The following SWAP70 variants were observed in gnomAD, a reference collection of about 807,000 sequenced individuals.
SWAP70 encodes the protein switch-associated protein 70.
Under a neutral mutation model 80.2 loss-of-function variants are expected in SWAP70, and 34 were observed. The ratio of observed to expected loss-of-function variants is 0.42; its 90% confidence interval spans 0.32 to 0.56. The LOEUF is 0.56. Among genes scored for constraint, SWAP70 ranks in the 20% least tolerant of loss-of-function variants. SWAP70 has a pLI of 0.09. For missense variants in SWAP70, 578 were observed against 690.7 expected (o/e 0.84, Z 1.83); for synonymous variants, 239 against 238.5 (o/e 1.00, Z -0.02).
At chr11:9,721,848 A>G (rs538948415) in intron 3 of SWAP70, among the ~76,000 whole-genome samples, 2 of 152,338 alleles carry the variant, frequency 1.3e-5, no homozygotes, top group South Asian at 4.1e-4. Flanking sequence ...TTCTGTTAAA[A>G]TATGTTATTT....
chr11:9,675,376 A>G (rs1228992710), intron 1 of SWAP70, among the ~76,000 whole-genome samples: 499 of 47,122 alleles, frequency 0.011, 77 homozygotes, highest in South Asian at 0.035. Flanking sequence ...AGAGAGAGAG[A>G]GAGAGAGAGA....
chr11:9,725,559 A>T (rs1481523556), intron 4 of SWAP70, among the ~76,000 whole-genome samples: 14 of 11,846 alleles, frequency 1.2e-3, no homozygotes, highest in African/African-American at 4.7e-3. Context: ...ATATATATAT[A>T]TATATATATA....
At chr11:9,742,364 G>A (rs1263619422) in intron 9 of SWAP70, among the ~76,000 whole-genome samples, 1 of 151,558 alleles carries the variant, frequency 6.6e-6, no homozygotes, top group Non-Finnish European at 1.5e-5. Flanking sequence ...CTGAGATGGA[G>A]TCTTGCTCTG....
chr11:9,703,975 T>A lies in SWAP70; in HGVS notation c.241-9491T>A, dbSNP rs151267757. Reference sequence around the variant, plus strand: ...TTACTTTCTCCTTCTTGGCTCTTGCTCTGGTTTAAATGGTTTTATGAAACT... The same window carrying A: ...TTACTTTCTCCTTCTTGGCTCTTGCACTGGTTTAAATGGTTTTATGAAACT... On this transcript the variant is annotated intron_variant, in intron 2 of 11. Transcript: ENST00000318950. Among the ~76,000 whole-genome samples the A allele has an allele frequency of 2.7e-4, 41 of 152,312 alleles. No individual in the cohort carries two copies. In the Middle Eastern group the frequency reaches 0.01, roughly 38 times the overall value.
chr11:9,689,829 G>T (rs1264942168), intron 1 of SWAP70, among the ~76,000 whole-genome samples: 1 of 152,178 alleles, frequency 6.6e-6, no homozygotes, highest in Non-Finnish European at 1.5e-5. Context: ...CACTAACTTG[G>T]CTCTGCTGAA....
chr11:9,702,124 T>C (rs1321272816), intron 2 of SWAP70, among the ~76,000 whole-genome samples: 1 of 151,854 alleles, frequency 6.6e-6, no homozygotes, highest in Non-Finnish European at 1.5e-5. Flanking sequence ...ATTCTGTTTT[T>C]CTAGTCTAAT....
intron 1 of SWAP70, among the ~76,000 whole-genome samples, chr11:9,683,266 C>G (rs557103559): frequency 1.3e-5 from 2 of 149,478 alleles, no homozygotes; most frequent in Non-Finnish European, 3.0e-5. Context: ...GGTGTGATGG[C>G]AGGTGCCTGT....
At chr11:9,670,939 G>C (rs994483459) in intron 1 of SWAP70, among the ~76,000 whole-genome samples, 7 of 150,710 alleles carry the variant, frequency 4.6e-5, no homozygotes, top group African/African-American at 1.7e-4. Context: ...ATTTTTAGTA[G>C]AGACGGGGTT....
At chr11:9,678,322 G>A (rs1192105943) in intron 1 of SWAP70, among the ~76,000 whole-genome samples, 1 of 151,940 alleles carries the variant, frequency 6.6e-6, no homozygotes, top group Non-Finnish European at 1.5e-5. Flanking sequence ...TTTTTATGTA[G>A]ATATCACCAA....
chr11:9,728,057 A>G lies in SWAP70; in HGVS notation c.647A>G (p.Tyr216Cys). The change falls in exon 5 of 12, where the codon TAC (tyrosine) becomes TGC (cysteine). Residue 216 changes from tyrosine to cysteine, a missense_variant. Coordinates refer to ENST00000318950, the MANE Select transcript of SWAP70 (RefSeq NM_015055.4). ...ATCACATTTAATCTTTCACAGGGTT[A>G]CATGATGAAAAAGGGCCACAGACGG... The part of the protein sequence containing the change: ...ELILDVLKQG[Y>C]MMKKGHRRKN... The G allele has an allele frequency of 2.5e-6, 4 of 1,604,504 alleles. No individual in the cohort carries two copies. In the African/African-American group the frequency reaches 4.0e-5, roughly 16 times the overall value.
chr11:9,730,122 A>G (rs1203894164), intron 6 of SWAP70, among the ~76,000 whole-genome samples: 2 of 152,004 alleles, frequency 1.3e-5, no homozygotes, highest in Non-Finnish European at 2.9e-5. Flanking sequence ...GCCTTCCCAC[A>G]TTTCTGAGTC....
chr11:9,736,378 G>C (rs1590045550), intron 7 of SWAP70, among the ~76,000 whole-genome samples: 1 of 147,570 alleles, frequency 6.8e-6, no homozygotes, highest in Non-Finnish European at 1.5e-5. Flanking sequence ...TCCGTTGCCT[G>C]CTTTTTCCCT....
At chr11:9,678,870 T>A (rs1441504364) in intron 1 of SWAP70, among the ~76,000 whole-genome samples, 1 of 152,164 alleles carries the variant, frequency 6.6e-6, no homozygotes, top group Non-Finnish European at 1.5e-5. Context: ...CATGTCCTTG[T>A]TCCCCTCCCA....
chr11:9,671,757 T>TTTCTATGTATACATAGAAATATAAATATA lies in SWAP70; in HGVS notation c.99+7479_99+7480insTTCTATGTATACATAGAAATATAAATATA, dbSNP rs1565109867. Among the ~76,000 whole-genome samples the TTTCTATGTATACATAGAAATATAAATATA allele has an allele frequency of 2.5e-3, 111 of 44,692 alleles. 2 individuals are homozygous for TTTCTATGTATACATAGAAATATAAATATA. The highest frequency in any genetic ancestry group is 4.2e-3 in the South Asian group (4 of 944). The allele number at this position is 44,692 out of a possible 152,430, so 29.3% of individuals were successfully genotyped here. A position where few individuals can be genotyped will look rare whatever the true frequency, so the allele number is the denominator to read the frequency against. ...ATGTATACATAGAAATATAAATATA[T>TTTCTATGTATACATAGAAATATAAATATA]AAATATATAATATAAATATAATATA... is the stretch of plus-strand genomic sequence containing the variant. On this transcript the variant is annotated intron_variant, in intron 1 of 11. Transcript: ENST00000318950.
chr11:9,672,730 G>A (rs1448476214), intron 1 of SWAP70, among the ~76,000 whole-genome samples: 1 of 151,886 alleles, frequency 6.6e-6, no homozygotes, highest in Middle Eastern at 3.2e-3. Flanking sequence ...ATGTGCTTGA[G>A]TCATTGCTAT....
In SWAP70 at chr11:9,732,718, T is replaced by A; in HGVS notation, c.1080+8T>A. Reference sequence around the variant, plus strand: ...CTGGAGGCCGTGCGGAAGGTGGGAATGGGCGCTGGGCTGGGAGAGGGCCCT... The same window carrying A: ...CTGGAGGCCGTGCGGAAGGTGGGAAAGGGCGCTGGGCTGGGAGAGGGCCCT... On this transcript the variant is annotated splice_region_variant and intron_variant, in intron 7 of 11. Coordinates refer to ENST00000318950, the MANE Select transcript of SWAP70 (RefSeq NM_015055.4). The A allele has an allele frequency of 6.5e-7, 1 of 1,538,260 alleles. No individual in the cohort carries two copies. The highest frequency in any genetic ancestry group is 8.8e-7 in the Non-Finnish European group (1 of 1,142,750).
At chr11:9,744,954 C>CTT (rs1485969922) in intron 9 of SWAP70, among the ~76,000 whole-genome samples, 7 of 152,178 alleles carry the variant, frequency 4.6e-5, no homozygotes, top group Non-Finnish European at 7.4e-5. Context: ...GAGCCATAAT[C>CTT]TGTCCTGTTG....
chr11:9,702,750 T>C (rs916008026), intron 2 of SWAP70, among the ~76,000 whole-genome samples: 1 of 152,126 alleles, frequency 6.6e-6, no homozygotes, highest in African/African-American at 2.4e-5. Context: ...TTTGGTGCAA[T>C]GACTAAGTTG....
chr11:9,672,530 ATTTT>A (rs58704706), intron 1 of SWAP70, among the ~76,000 whole-genome samples: 2 of 88,398 alleles, frequency 2.3e-5, no homozygotes, highest in African/African-American at 4.9e-5. Flanking sequence ...CACCTGGCTA[ATTTT>A]TTTTTTTTTT....
Sources: gnomAD v4.1 joint callset for allele counts (sites outside exome capture counted in the v4.1 genomes callset) on GRCh38, gnomAD v4.1.1 for gene constraint, MANE v1.5 for transcripts, NCBI Gene and HGNC (gene_info 2026-07-23, HGNC 2026-07-21) for gene names.